HS6ST3: variants seen among roughly 807,000 people sequenced by gnomAD.
The protein encoded by HS6ST3 is heparan-sulfate 6-O-sulfotransferase 3.
Under a neutral mutation model 36.7 loss-of-function variants are expected in HS6ST3, and 12 were observed. The observed-to-expected ratio is 0.33, with a 90% CI of 0.21 to 0.53. The LOEUF is 0.53. HS6ST3 is among the 20% of genes least tolerant of loss of function. HS6ST3 has a pLI of 0.95. For missense variants in HS6ST3, 584 were observed against 640.9 expected, an observed-to-expected ratio of 0.91 and a Z score of 0.96; for synonymous variants, 240 against 257.5, an observed-to-expected ratio of 0.93 and a Z score of 0.65.
chr13:96,381,192 A>G (rs1283154833), intron 1 of HS6ST3, among the ~76,000 whole-genome samples: 1 of 152,228 alleles, frequency 6.6e-6, no homozygotes, highest in East Asian at 1.9e-4. Context: ...TTCACTTTGT[A>G]CGCTCAGTGG....
intron 1 of HS6ST3, among the ~76,000 whole-genome samples, chr13:96,163,269 G>C (rs373651004): frequency 8.3e-6 from 1 of 120,170 alleles, no homozygotes; most frequent in African/African-American, 3.3e-5. Context: ...TCGCTCTGTC[G>C]CCCAGGCTGG....
At chr13:96,724,253 A>G (rs1392902807) in intron 1 of HS6ST3, among the ~76,000 whole-genome samples, 1 of 152,262 alleles carries the variant, frequency 6.6e-6, no homozygotes, top group Non-Finnish European at 1.5e-5. Context: ...TGCACTGAGC[A>G]GATAGAGATC....
chr13:96,482,053 T>C (rs2055892366), intron 1 of HS6ST3, among the ~76,000 whole-genome samples: 1 of 152,182 alleles, frequency 6.6e-6, no homozygotes, highest in Admixed American at 6.5e-5. Flanking sequence ...AAAAATCCCT[T>C]ACTATTGCTG....
intron 1 of HS6ST3, among the ~76,000 whole-genome samples, chr13:96,538,675 C>T (rs2056165602): frequency 3.3e-5 from 5 of 152,068 alleles, no homozygotes; most frequent in Admixed American, 2.6e-4. Flanking sequence ...AACTCCTGGC[C>T]TCAAGTGATC....
At chr13:96,310,253 G>A (rs575285247) in intron 1 of HS6ST3, among the ~76,000 whole-genome samples, 12 of 152,210 alleles carry the variant, frequency 7.9e-5, no homozygotes, top group African/African-American at 2.4e-4. Flanking sequence ...ACAGATATAT[G>A]TATATAGAAT....
chr13:96,702,349 G>A (rs1374277226), intron 1 of HS6ST3, among the ~76,000 whole-genome samples: 2 of 152,164 alleles, frequency 1.3e-5, no homozygotes, highest in South Asian at 2.1e-4. Flanking sequence ...GGCCTTTCAC[G>A]CAAACCATTC....
At chr13:96,120,185 G>A (rs1029849586) in intron 1 of HS6ST3, among the ~76,000 whole-genome samples, 1 of 152,220 alleles carries the variant, frequency 6.6e-6, no homozygotes, top group Non-Finnish European at 1.5e-5. Context: ...ATTCCTGGCA[G>A]CCCCAGAAGC....
chr13:96,594,233 A>C (rs896935791), intron 1 of HS6ST3, among the ~76,000 whole-genome samples: 1 of 151,082 alleles, frequency 6.6e-6, no homozygotes, highest in Non-Finnish European at 1.5e-5. Context: ...GGCCTCCCAA[A>C]GTGCTGGGAT....
rs186727370 is a variant in HS6ST3, at chr13:96,413,548, C to T, written c.707+321979C>T. On this transcript the variant is annotated intron_variant, in intron 1 of 1. Transcript: ENST00000376705. ...TAAGATTGAGAATTTGTAGAGGATA[C>T]TGAAGCAAAACAATTTTTAGAAGAA... is the stretch of plus-strand genomic sequence containing the variant. Among the ~76,000 whole-genome samples the T allele has an allele frequency of 7.2e-5, 11 of 152,290 alleles. No individual in the cohort carries two copies. The East Asian group carries it at 2.1e-3, about 29-fold the overall frequency.
At chr13:96,380,559 C>T (rs2139445908) in intron 1 of HS6ST3, among the ~76,000 whole-genome samples, 1 of 152,280 alleles carries the variant, frequency 6.6e-6, no homozygotes, top group East Asian at 1.9e-4. Flanking sequence ...AGCTACTGCA[C>T]CCGGCCTAGC....
At chr13:96,666,152 G>A (rs939552819) in intron 1 of HS6ST3, among the ~76,000 whole-genome samples, 1 of 152,100 alleles carries the variant, frequency 6.6e-6, no homozygotes, top group African/African-American at 2.4e-5. Flanking sequence ...GGTGACAGGA[G>A]GAGAAGTGCT....
In HS6ST3 at chr13:96,706,413, T is replaced by TTATATATATATATATATATATA. The variant is rs3052119; in HGVS notation, c.708-126070_708-126049dup. On this transcript the variant is annotated intron_variant, in intron 1 of 1. Coordinates refer to ENST00000376705, the MANE Select transcript of HS6ST3 (RefSeq NM_153456.4). ...TATATAAAATATAATAGAATATATTTTATATATATATATATATATATATAT... is the reference window on the plus strand; with the variant it reads ...TATATAAAATATAATAGAATATATTTTATATATATATATATATATATATATATATATATATATATATATATAT... Among the ~76,000 whole-genome samples the TTATATATATATATATATATATA allele has an allele frequency of 2.5e-3, 301 of 120,904 alleles. 8 individuals are homozygous for TTATATATATATATATATATATA. The highest frequency in any genetic ancestry group is 8.8e-3 in the African/African-American group (249 of 28,202). 79.3% of individuals were successfully genotyped at this position (120,904 alleles called of 152,430 possible).
chr13:96,429,798 CT>C (rs1317758642), intron 1 of HS6ST3, among the ~76,000 whole-genome samples: 1 of 152,078 alleles, frequency 6.6e-6, no homozygotes, highest in Non-Finnish European at 1.5e-5. Context: ...TAGGAAAACT[CT>C]TTTTTTGTTG....
chr13:96,616,979 T>A (rs896499283), intron 1 of HS6ST3, among the ~76,000 whole-genome samples: 1 of 152,226 alleles, frequency 6.6e-6, no homozygotes, highest in Non-Finnish European at 1.5e-5. Flanking sequence ...TTTCCGTAAA[T>A]GTGTTCAAGA....
At chr13:96,593,771 G>T (rs72642784) in intron 1 of HS6ST3, among the ~76,000 whole-genome samples, 7,151 of 151,718 alleles carry the variant, frequency 0.047, 482 homozygotes, top group African/African-American at 0.15. Flanking sequence ...TCCTTTATCA[G>T]TATGTAATGA....
chr13:96,456,691 C>A (rs182030497), intron 1 of HS6ST3, among the ~76,000 whole-genome samples: 1 of 152,002 alleles, frequency 6.6e-6, no homozygotes, highest in African/African-American at 2.4e-5. Flanking sequence ...TGTTTCTCCC[C>A]AGTGATGGTA....
At chr13:96,469,690 T>G (rs2055831350) in intron 1 of HS6ST3, among the ~76,000 whole-genome samples, 1 of 152,022 alleles carries the variant, frequency 6.6e-6, no homozygotes, top group South Asian at 2.1e-4. Context: ...GTAGAGGTGG[T>G]GGTGGTCATG....
At chr13:96,225,969 C>G (rs77101547) in intron 1 of HS6ST3, among the ~76,000 whole-genome samples, 1,781 of 152,198 alleles carry the variant, frequency 0.012, 38 homozygotes, top group African/African-American at 0.041. Context: ...GCCAATGACT[C>G]ACTGATCTTA....
At chr13:96,654,449 G>A (rs773551807) in intron 1 of HS6ST3, among the ~76,000 whole-genome samples, 2 of 152,052 alleles carry the variant, frequency 1.3e-5, no homozygotes, top group African/African-American at 2.4e-5. Context: ...TTCCCAACAC[G>A]ATTTATTAAA....
Sources: gnomAD v4.1 joint callset for allele counts (sites outside exome capture counted in the v4.1 genomes callset) on GRCh38, gnomAD v4.1.1 for gene constraint, MANE v1.5 for transcripts, NCBI Gene and HGNC (gene_info 2026-07-23, HGNC 2026-07-21) for gene names.